NREP: variants seen among roughly 807,000 people sequenced by gnomAD.
NREP encodes neuronal regeneration-related protein.
Under a neutral mutation model 8.6 loss-of-function variants are expected in NREP, and 5 were observed. The observed-to-expected ratio is 0.58, with a 90% CI of 0.30 to 1.22. The LOEUF (loss-of-function observed/expected upper bound fraction) is 1.22. NREP is among the 50% of genes most tolerant of loss of function. The probability of loss-of-function intolerance (pLI) is 0.07; values close to 1 mark genes in which losing one functional copy is unlikely to be tolerated. For synonymous variants in NREP, 27 were observed against 28.0 expected (o/e 0.96, Z 0.11); for missense variants, 86 against 82.5 (o/e 1.04, Z -0.17).
At chr5:111,871,681 CT>C (rs1350603189) in intron 2 of NREP, among the ~76,000 whole-genome samples, 1 of 151,520 alleles carries the variant, frequency 6.6e-6, no homozygotes, top group Non-Finnish European at 1.5e-5. Context: ...CATTTTTAAA[CT>C]TTTTTGTTCA....
In NREP at chr5:111,845,437, C is replaced by A. The variant is rs1292686974; in HGVS notation, c.136-109930G>T. Among the ~76,000 whole-genome samples, 4 of 152,074 alleles carry A rather than the reference C, an allele frequency of 2.6e-5. No homozygotes were observed. In the East Asian group the frequency reaches 7.7e-4, roughly 29 times the overall value. On this transcript the variant is annotated intron_variant, in intron 2 of 3. Transcript: ENST00000395634. Reference sequence around the variant, plus strand: ...TCCTATTCTGCCATCTTGCTGATATCACTCTCTGAAGGCATATTTGTTACT... The same window carrying A: ...TCCTATTCTGCCATCTTGCTGATATAACTCTCTGAAGGCATATTTGTTACT...
intron 2 of NREP, among the ~76,000 whole-genome samples, chr5:111,912,240 C>T (rs942678491): frequency 9.9e-5 from 15 of 151,986 alleles, no homozygotes; most frequent in Admixed American, 9.2e-4. Flanking sequence ...CTCCCCAATT[C>T]CCTCATCCAG....
chr5:111,771,634 A>T (rs1055651998), intron 2 of NREP, among the ~76,000 whole-genome samples: 1 of 151,948 alleles, frequency 6.6e-6, no homozygotes, highest in Non-Finnish European at 1.5e-5. Context: ...GTGGTGGCAC[A>T]TGCCTGTAAT....
At chr5:111,966,181 G>A (rs1336117828) in intron 2 of NREP, among the ~76,000 whole-genome samples, 1 of 152,208 alleles carries the variant, frequency 6.6e-6, no homozygotes, top group Non-Finnish European at 1.5e-5. Flanking sequence ...GAGTAGGGAA[G>A]AACATGGAAT....
intron 2 of NREP, among the ~76,000 whole-genome samples, chr5:111,875,450 T>C (rs900690560): frequency 3.9e-5 from 6 of 152,150 alleles, no homozygotes; most frequent in Admixed American, 2.6e-4. Context: ...TTGGATAACA[T>C]AGAAATCTTA....
chr5:111,882,650 G>C (rs909276126), intron 2 of NREP, among the ~76,000 whole-genome samples: 11 of 152,220 alleles, frequency 7.2e-5, no homozygotes, highest in Non-Finnish European at 1.5e-4. Flanking sequence ...AACTCTACAA[G>C]CCAGAAAAGA....
intron 2 of NREP, among the ~76,000 whole-genome samples, chr5:111,913,625 T>C (rs1377052591): frequency 1.3e-5 from 2 of 152,076 alleles, no homozygotes; most frequent in Non-Finnish European, 2.9e-5. Flanking sequence ...AAGGAGGAAC[T>C]AATCAGACAA....
intron 2 of NREP, among the ~76,000 whole-genome samples, chr5:111,751,290 G>C (rs1363950613): frequency 2.6e-5 from 4 of 152,104 alleles, no homozygotes; most frequent in Non-Finnish European, 5.9e-5. Flanking sequence ...AATAACTGAA[G>C]TGATATTTAG....
At chr5:111,939,955 C>T (rs1228957158) in intron 2 of NREP, 2 of 152,034 alleles carry the variant, frequency 1.3e-5, no homozygotes, top group African/African-American at 4.8e-5. Flanking sequence ...TTATCACAGG[C>T]TTATAGGAAT....
chr5:111,811,806 A>C (rs1752275462), intron 2 of NREP, among the ~76,000 whole-genome samples: 1 of 152,182 alleles, frequency 6.6e-6, no homozygotes, highest in South Asian at 2.1e-4. Context: ...TACAGTGATA[A>C]ATAAGTGGAA....
At chr5:111,735,841 C>T (rs956366949) in intron 2 of NREP, among the ~76,000 whole-genome samples, 1 of 152,182 alleles carries the variant, frequency 6.6e-6, no homozygotes, top group Non-Finnish European at 1.5e-5. Flanking sequence ...TCAAAGGATT[C>T]TATAAGTATC....
chr5:111,836,519 G>T (rs1226123768), intron 2 of NREP, among the ~76,000 whole-genome samples: 2 of 151,986 alleles, frequency 1.3e-5, no homozygotes, highest in African/African-American at 2.4e-5. Context: ...GTTTTCTTTG[G>T]CTCTCTACAT....
At chr5:111,765,024 T>C (rs1293161044) in intron 2 of NREP, among the ~76,000 whole-genome samples, 1 of 152,190 alleles carries the variant, frequency 6.6e-6, no homozygotes, top group Non-Finnish European at 1.5e-5. Context: ...ATCACAGCTC[T>C]AGTTAATAAC....
chr5:111,951,745 C>T (rs193058681), intron 2 of NREP, among the ~76,000 whole-genome samples: 2 of 152,162 alleles, frequency 1.3e-5, no homozygotes, highest in East Asian at 3.9e-4. Context: ...TCCTCATGCT[C>T]ACCAGCACTT....
At chr5:111,962,826 C>T (rs1044596214) in intron 2 of NREP, among the ~76,000 whole-genome samples, 1 of 152,136 alleles carries the variant, frequency 6.6e-6, no homozygotes, top group Non-Finnish European at 1.5e-5. Context: ...GGAGAGATGG[C>T]TGGAGATGGC....
chr5:111,793,496 T>C (rs1751800022), intron 2 of NREP, among the ~76,000 whole-genome samples: 1 of 152,130 alleles, frequency 6.6e-6, no homozygotes, highest in Non-Finnish European at 1.5e-5. Flanking sequence ...GCCTTTTTCT[T>C]CTATTCAGGC....
At chr5:111,731,084 A>G in intron 3 of NREP, 38 bp from the exon 4 acceptor site, 1 of 1,599,104 alleles carries the variant, frequency 6.3e-7, no homozygotes, top group Non-Finnish European at 8.5e-7. Flanking sequence ...ACAGACACAC[A>G]TAAAAGACAA....
In NREP at chr5:111,976,873, T is replaced by C. The variant is rs1472604001; in HGVS notation, c.-134A>G. ...ATTGTCCAATGTTTCTTTTGATAAA[T>C]AGCATGATTGCACTGCCTGGAAAAG... On this transcript the variant is annotated 5_prime_UTR_variant, in exon 1 of 4. Coordinates refer to the NREP transcript ENST00000395634. 1.2e-5 allele frequency: 8 copies of C among 656,132 alleles called. No individual in the cohort carries two copies. In the East Asian group the frequency reaches 1.8e-4, roughly 15 times the overall value. The allele number at this position is 656,132 out of a possible 1,614,324, so 40.6% of individuals were successfully genotyped here.
chr5:111,763,168 A>G (rs536655264), intron 2 of NREP, among the ~76,000 whole-genome samples: 1 of 152,252 alleles, frequency 6.6e-6, no homozygotes, highest in Non-Finnish European at 1.5e-5. Context: ...AGAAACCCAC[A>G]CCAAGAGTAT....
Sources: allele counts gnomAD v4.1 joint callset (sites outside exome capture counted in the v4.1 genomes callset), GRCh38; gene constraint gnomAD v4.1.1; transcripts MANE v1.5; gene names NCBI Gene and HGNC (gene_info 2026-07-23, HGNC 2026-07-21).